CMTM4: variants seen among roughly 807,000 people sequenced by gnomAD.
The protein encoded by CMTM4 is CKLF-like MARVEL transmembrane domain-containing protein 4.
CMTM4 carries 8 observed loss-of-function variants against 19.0 expected under a neutral mutation model. The ratio of observed to expected loss-of-function variants is 0.42; its 90% CI spans 0.25 to 0.76. The LOEUF is 0.76. Ranked by LOEUF, CMTM4 falls within the 30% of genes least tolerant of loss-of-function variation. The probability of loss-of-function intolerance (pLI) is 0.27; values close to 1 mark genes in which losing one functional copy is unlikely to be tolerated. For synonymous variants in CMTM4, 106 were observed against 121.1 expected (o/e 0.88, Z 0.82); for missense variants, 228 against 290.2 (o/e 0.79, Z 1.56).
intron 1 of CMTM4, among the ~76,000 whole-genome samples, chr16:66,648,020 C>T (rs1176115719): frequency 6.6e-6 from 1 of 152,236 alleles, no homozygotes; most frequent in African/African-American, 2.4e-5. Flanking sequence ...TTGTAGGAGT[C>T]ATTAATGCTG....
rs774954323 is a variant in CMTM4 at position 66,626,330 on chromosome 16, G to A, written c.364-2828C>T. Among the ~76,000 whole-genome samples the A allele has an allele frequency of 3.9e-5, 6 of 151,920 alleles. No homozygotes were observed. The South Asian group carries it at 6.2e-4, about 16-fold the overall frequency. On this transcript the variant is annotated intron_variant, in intron 2 of 3. Transcript: ENST00000394106. ...ACTAAAAAATTAGCTGTGGCCAGGC[G>A]TGGTGGCTCACATCTGTAATCCCAG... is the stretch of plus-strand genomic sequence containing the variant.
At position 66,696,375 on chromosome 16, in the gene CMTM4, G is replaced by C; in HGVS notation, c.151C>G (p.Arg51Gly). The change falls in exon 1 of 4, where the codon CGC (arginine) becomes GGC (glycine). Residue 51 changes from arginine to glycine, a missense_variant. Arg to Gly is a moderately radical substitution (Grantham distance 125). This residue lies in a region of CMTM4 where 200 missense variants were observed against 226.6 expected (regional missense o/e 0.88). Transcript: ENST00000394106. This position sits in a 1 kb window ranked among gnomAD's most constrained non-coding sequence, Gnocchi z 4.3. ...AGLRCDPDYL[R>G]GALGRLKVAQ... ...ACCTTGAGGCGGCCGAGCGCGCCGC[G>C]CAGGTAGTCGGGGTCGCAGCGCAGG... 1 of 1,426,306 alleles carries C rather than the reference G, an allele frequency of 7.0e-7. No homozygotes were observed. The highest frequency in any genetic ancestry group is 9.2e-7 in the Non-Finnish European group (1 of 1,092,044). The allele number at this position is 1,426,306 out of a possible 1,614,324, so 88.4% of individuals were successfully genotyped here.
chr16:66,680,813 C>T (rs1016072667), intron 1 of CMTM4, among the ~76,000 whole-genome samples: 3 of 150,216 alleles, frequency 2.0e-5, no homozygotes, highest in African/African-American at 7.3e-5. Flanking sequence ...ATAATGGCCA[C>T]CTCCACCTCT....
At chr16:66,641,349 T>C (rs2016094793) in intron 1 of CMTM4, among the ~76,000 whole-genome samples, 1 of 152,212 alleles carries the variant, frequency 6.6e-6, no homozygotes, top group Non-Finnish European at 1.5e-5. Context: ...TGTCTTGTTT[T>C]AAGTCACAAA....
chr16:66,619,738 C>T lies in CMTM4; in HGVS notation c.*2320G>A, dbSNP rs151008754. On this transcript the variant is annotated 3_prime_UTR_variant, in exon 4 of 4. Transcript: ENST00000394106. The stretch of plus-strand genomic sequence containing the variant: ...TAGAAAGCGTCCATAGCACCACTTC[C>T]GGTTCTAGTGGGAGTTAATTAAATA... 40 of 985,314 alleles carry T rather than the reference C, an allele frequency of 4.1e-5. 1 individual carries two copies. The East Asian group carries it at 1.8e-3, about 45-fold the overall frequency. The allele number at this position is 985,314 out of a possible 1,614,324, so 61.0% of individuals were successfully genotyped here.
At chr16:66,690,741 A>G (rs1322510875) in intron 1 of CMTM4, among the ~76,000 whole-genome samples, 1 of 152,190 alleles carries the variant, frequency 6.6e-6, no homozygotes, top group East Asian at 1.9e-4. Flanking sequence ...TACTACCCAT[A>G]CTGTACAACT....
intron 1 of CMTM4, among the ~76,000 whole-genome samples, chr16:66,648,605 C>T (rs2016250609): frequency 1.3e-5 from 2 of 151,942 alleles, no homozygotes; most frequent in African/African-American, 2.4e-5. Flanking sequence ...CTGCAGTGAG[C>T]CGAGATCACG....
chr16:66,692,523 GC>G (rs1433859027), intron 1 of CMTM4, among the ~76,000 whole-genome samples: 1 of 152,232 alleles, frequency 6.6e-6, no homozygotes, highest in Non-Finnish European at 1.5e-5. Flanking sequence ...TTTCTAACAA[GC>G]CCTTAGGTGA....
At chr16:66,681,890 G>A (rs575940492) in intron 1 of CMTM4, among the ~76,000 whole-genome samples, 6 of 152,226 alleles carry the variant, frequency 3.9e-5, no homozygotes, top group Admixed American at 3.3e-4. Context: ...CTAGCACCTG[G>A]GATATTCCTT....
intron 1 of CMTM4, among the ~76,000 whole-genome samples, chr16:66,661,125 A>C (rs77450043): frequency 0.028 from 4,324 of 152,328 alleles, 83 homozygotes; most frequent in Non-Finnish European, 0.042. Context: ...GTGAAGGGCC[A>C]CTTAAGTTTC....
At chr16:66,651,986 G>A (rs1470108110) in intron 1 of CMTM4, among the ~76,000 whole-genome samples, 1 of 152,204 alleles carries the variant, frequency 6.6e-6, no homozygotes, top group Admixed American at 6.5e-5. Context: ...CTCTAGCAGT[G>A]CCCAAGCTAG....
chr16:66,693,304 T>A (rs2017171472), intron 1 of CMTM4, among the ~76,000 whole-genome samples: 1 of 152,168 alleles, frequency 6.6e-6, no homozygotes, highest in African/African-American at 2.4e-5. Flanking sequence ...TGGAGCACAG[T>A]GGCTACTCCG....
chr16:66,604,034 GT>G, the CMTM4 span: 4 of 150,876 alleles, frequency 2.7e-5, no homozygotes, highest in Non-Finnish European at 5.9e-5. Context: ...CGTGTGGAGT[GT>G]GTGTGTGTGT....
At chr16:66,640,255 G>A (rs977347361) in intron 1 of CMTM4, among the ~76,000 whole-genome samples, 10 of 152,040 alleles carry the variant, frequency 6.6e-5, no homozygotes, top group South Asian at 6.2e-4. Flanking sequence ...AGCTGAGATC[G>A]CGCCACTACA....
chr16:66,630,273 C>T (rs1368819175), intron 2 of CMTM4, among the ~76,000 whole-genome samples: 1 of 147,616 alleles, frequency 6.8e-6, no homozygotes, highest in South Asian at 2.2e-4. Flanking sequence ...AAAAAAAAAA[C>T]ACAAGACTTT....
Position 66,682,735 on chromosome 16 carries a change from TA to T in CMTM4, c.186+13604del, listed in dbSNP as rs929163136. Among the ~76,000 whole-genome samples, 45 of 150,276 alleles carry T rather than the reference TA, an allele frequency of 3.0e-4. No individual in the cohort carries two copies. In the South Asian group the frequency reaches 3.6e-3, roughly 12 times the overall value. On this transcript the variant is annotated intron_variant, in intron 1 of 3. Transcript: ENST00000394106. ...TTCTTTTATTTTAATCAGAAAGCTT[TA>T]AAAAAAAAATCACTATGACCCTCAG... is the stretch of plus-strand genomic sequence containing the variant.
rs2015588462 is a variant in CMTM4 at position 66,619,470 on chromosome 16, T to C, written c.*2588A>G. The C allele has an allele frequency of 1.0e-6, 1 of 985,452 alleles. No individual in the cohort carries two copies. The highest frequency in any genetic ancestry group is 1.7e-5 in the African/African-American group (1 of 57,372). 61.0% of individuals were successfully genotyped at this position (985,452 alleles called of 1,614,324 possible). ...AAACTAAGGTCGCTCAGCCTTCAAA[T>C]GCCCCAAACCAAACTGATATTGGTC... On this transcript the variant is annotated 3_prime_UTR_variant, in exon 4 of 4. Coordinates refer to ENST00000394106, the MANE Select transcript of CMTM4 (RefSeq NM_181521.3).
At chr16:66,657,870 G>A (rs907426156) in intron 1 of CMTM4, among the ~76,000 whole-genome samples, 2 of 152,106 alleles carry the variant, frequency 1.3e-5, no homozygotes, top group African/African-American at 4.8e-5. Context: ...TCAAACAGAT[G>A]GTGAGGAAAA....
At chr16:66,674,130 G>C (rs1003018798) in intron 1 of CMTM4, among the ~76,000 whole-genome samples, 3 of 152,232 alleles carry the variant, frequency 2.0e-5, no homozygotes, top group Admixed American at 2.0e-4. Context: ...TCTTTCAGAT[G>C]CAGTTGGGTC....
Sources: gnomAD v4.1 joint callset for allele counts (sites outside exome capture counted in the v4.1 genomes callset) on GRCh38, gnomAD v4.1.1 for gene constraint, gnomAD v4.1.1 regional missense constraint, Gnocchi (gnomAD v3.1) non-coding constraint, MANE v1.5 for transcripts, NCBI Gene and HGNC (gene_info 2026-07-23, HGNC 2026-07-21) for gene names.